Variants in NRG1 observed in about 807,000 individuals in gnomAD.
The protein encoded by NRG1 is pro-neuregulin-1, membrane-bound isoform.
In NRG1, 18 loss-of-function variants were observed where a neutral mutation model predicts 63.8. The ratio of observed to expected loss-of-function variants is 0.28; its 90% confidence interval spans 0.19 to 0.42. The LOEUF (loss-of-function observed/expected upper bound fraction) is 0.42. Among genes scored for constraint, NRG1 ranks in the 10% least tolerant of loss-of-function variants. NRG1 has a pLI of 1.00. For missense variants in NRG1, 762 were observed against 814.7 expected (o/e 0.94, Z 0.79); for synonymous variants, 302 against 301.3 (o/e 1.00, Z -0.02).
chr8:32,298,719 A>AG, intron 1 of NRG1, among the ~76,000 whole-genome samples: 1 of 136,076 alleles, frequency 7.3e-6, no homozygotes, highest in African/African-American at 2.8e-5. Flanking sequence ...AGTCTCAAAA[A>AG]AAAAAAAAAA....
At chr8:32,017,195 G>A (rs1815678416) in intron 1 of NRG1, among the ~76,000 whole-genome samples, 1 of 152,130 alleles carries the variant, frequency 6.6e-6, no homozygotes, top group South Asian at 2.1e-4. Flanking sequence ...CCTTATCTCT[G>A]CATATTTTTG....
At chr8:32,059,232 T>A (rs1018117218) in intron 1 of NRG1, among the ~76,000 whole-genome samples, 1 of 151,928 alleles carries the variant, frequency 6.6e-6, no homozygotes, top group Non-Finnish European at 1.5e-5. Flanking sequence ...TTCATATATA[T>A]TTTTTTACTC....
At chr8:32,751,888 C>A (rs1271288862) in intron 7 of NRG1, among the ~76,000 whole-genome samples, 2 of 152,238 alleles carry the variant, frequency 1.3e-5, no homozygotes, top group African/African-American at 2.4e-5. Flanking sequence ...AACCAAAAGA[C>A]AACTTGTCCC....
intron 1 of NRG1, among the ~76,000 whole-genome samples, chr8:32,097,801 A>G (rs1252990707): frequency 6.6e-6 from 1 of 152,226 alleles, no homozygotes; most frequent in Non-Finnish European, 1.5e-5. Context: ...TGAGACAGCA[A>G]ATATTTGGGG....
intron 1 of NRG1, among the ~76,000 whole-genome samples, chr8:32,532,258 G>A (rs1285802328): frequency 6.6e-6 from 1 of 152,092 alleles, no homozygotes; most frequent in African/African-American, 2.4e-5. Context: ...AGCTAACTTG[G>A]CTTATATCCA....
chr8:32,395,300 C>G (rs10103027), intron 1 of NRG1, among the ~76,000 whole-genome samples: 1 of 152,166 alleles, frequency 6.6e-6, no homozygotes, highest in South Asian at 2.1e-4. Flanking sequence ...ACATGTGTAC[C>G]ACTTTTAAAT....
intron 5 of NRG1, among the ~76,000 whole-genome samples, chr8:32,662,669 A>G (rs943510006): frequency 6.6e-6 from 1 of 152,152 alleles, no homozygotes; most frequent in African/African-American, 2.4e-5. Context: ...ACATTATTGG[A>G]TTATTAGATT....
chr8:32,425,934 G>A (rs914885208), intron 1 of NRG1, among the ~76,000 whole-genome samples: 1 of 152,110 alleles, frequency 6.6e-6, no homozygotes, highest in African/African-American at 2.4e-5. Flanking sequence ...ACAGTTTCTC[G>A]GGCTGGGTTA....
intron 1 of NRG1, among the ~76,000 whole-genome samples, chr8:32,038,320 C>G (rs916670964): frequency 6.6e-6 from 1 of 152,074 alleles, no homozygotes; most frequent in African/African-American, 2.4e-5. Context: ...ACCATCTAGT[C>G]AGTCCCAATT....
At chr8:32,524,606 T>C (rs979597098) in intron 1 of NRG1, among the ~76,000 whole-genome samples, 3 of 152,144 alleles carry the variant, frequency 2.0e-5, no homozygotes, top group African/African-American at 7.2e-5. Context: ...TTCAGTATCA[T>C]GGGTCTAAAA....
chr8:32,054,612 T>A (rs1822540740), intron 1 of NRG1, among the ~76,000 whole-genome samples: 1 of 152,208 alleles, frequency 6.6e-6, no homozygotes, highest in Admixed American at 6.5e-5. Context: ...AGTTCCTTTC[T>A]GTTTGATTTA....
chr8:32,395,310 T>G (rs1261165797), intron 1 of NRG1, among the ~76,000 whole-genome samples: 1 of 152,204 alleles, frequency 6.6e-6, no homozygotes, highest in Non-Finnish European at 1.5e-5. Flanking sequence ...CACTTTTAAA[T>G]ATTGCCAAAC....
chr8:31,826,569 G>A (rs1369054218), intron 1 of NRG1, among the ~76,000 whole-genome samples: 1 of 152,148 alleles, frequency 6.6e-6, no homozygotes, highest in African/African-American at 2.4e-5. Flanking sequence ...CAAGTCTTGG[G>A]TATGTCTTAA....
chr8:31,744,732 T>C (rs140603392), intron 1 of NRG1, among the ~76,000 whole-genome samples: 64 of 152,110 alleles, frequency 4.2e-4, no homozygotes, highest in African/African-American at 1.5e-3. Flanking sequence ...GGAAGCTGTG[T>C]CCTTACTTTG....
At chr8:31,649,467 CAG>C (rs1804628764) in intron 1 of NRG1, among the ~76,000 whole-genome samples, 1 of 152,162 alleles carries the variant, frequency 6.6e-6, no homozygotes, top group Non-Finnish European at 1.5e-5. Flanking sequence ...GTTTTCTATA[CAG>C]AGTTAGTGTC....
intron 1 of NRG1, among the ~76,000 whole-genome samples, chr8:32,025,242 T>C (rs1817058256): frequency 6.6e-6 from 1 of 152,170 alleles, no homozygotes; most frequent in African/African-American, 2.4e-5. Flanking sequence ...CAAAACTCAT[T>C]ATGTTGTTTT....
At chr8:32,460,523 C>A (rs1318993027) in intron 1 of NRG1, among the ~76,000 whole-genome samples, 1 of 152,190 alleles carries the variant, frequency 6.6e-6, no homozygotes, top group Non-Finnish European at 1.5e-5. Context: ...AAAATCACCT[C>A]TATTTAAATT....
chr8:32,481,836 C>A (rs1825326040), intron 1 of NRG1, among the ~76,000 whole-genome samples: 1 of 152,164 alleles, frequency 6.6e-6, no homozygotes, highest in Non-Finnish European at 1.5e-5. Flanking sequence ...TGAAAAAAGG[C>A]ATCACAGTAC....
At chr8:32,036,810 T>C (rs1253163499) in intron 1 of NRG1, among the ~76,000 whole-genome samples, 2 of 152,196 alleles carry the variant, frequency 1.3e-5, no homozygotes, top group Non-Finnish European at 2.9e-5. Context: ...TCTGAGCTGG[T>C]GATTTTGGTT....
Sources: allele counts gnomAD v4.1 joint callset (sites outside exome capture counted in the v4.1 genomes callset), GRCh38; gene constraint gnomAD v4.1.1; transcripts MANE v1.5; gene names NCBI Gene and HGNC (gene_info 2026-07-23, HGNC 2026-07-21).